The following GBP4 variants were observed in gnomAD, a reference collection of about 807,000 sequenced individuals.
GBP4 encodes the protein guanylate binding protein 4.
GBP4 carries 69 observed loss-of-function variants against 62.2 expected under a neutral mutation model. The observed-to-expected ratio is 1.11, with a 90% confidence interval of 0.91 to 1.36. The LOEUF is 1.36. Among genes scored for constraint, GBP4 ranks in the 40% most tolerant of loss-of-function variants. GBP4 has a pLI of 0.00. For missense variants in GBP4, 697 were observed against 759.3 expected, an observed-to-expected ratio of 0.92 and a Z score of 0.96; for synonymous variants, 278 against 274.6, an observed-to-expected ratio of 1.01 and a Z score of -0.12.
intron 2 of GBP4, among the ~76,000 whole-genome samples, chr1:89,196,528 G>C (rs540231542): frequency 2.2e-4 from 33 of 152,266 alleles, no homozygotes; most frequent in Middle Eastern, 6.8e-3. Context: ...TCTTGATCTG[G>C]ATAGTGATTT....
chr1:89,194,915 A>G (rs1648289087), intron 3 of GBP4, among the ~76,000 whole-genome samples: 1 of 152,196 alleles, frequency 6.6e-6, no homozygotes, highest in Non-Finnish European at 1.5e-5. Flanking sequence ...TCTAAGTCGA[A>G]TGACTGAACT....
intron 1 of GBP4, 58 bp downstream of exon 1, chr1:89,198,734 TTTG>T (rs1481451417): frequency 1.3e-5 from 19 of 1,421,432 alleles, no homozygotes; most frequent in African/African-American, 1.1e-4. Context: ...CGCTTGGGAA[TTTG>T]TTGTTGTTTG....
chr1:89,198,188 G>T (rs1196434139), intron 1 of GBP4, among the ~76,000 whole-genome samples: 1 of 152,122 alleles, frequency 6.6e-6, no homozygotes, highest in East Asian at 1.9e-4. Context: ...ACAAACGCGG[G>T]GGGCTCTGGG....
At chr1:89,187,274 A>C (rs143862427) in intron 8 of GBP4, among the ~76,000 whole-genome samples, 172 bp from the exon 9 acceptor site, 1 of 152,250 alleles carries the variant, frequency 6.6e-6, no homozygotes, top group East Asian at 1.9e-4. Context: ...CTCTTTGTTA[A>C]GTCATAAAAA....
At position 89,191,406 on chromosome 1, in the gene GBP4, G is replaced by A. The variant is rs974530190; in HGVS notation, c.771C>T (p.Asp257=). Residue 257 remains aspartate, a synonymous_variant, in exon 6 of 11, where the codon GAC becomes GAT. Transcript: ENST00000355754. The part of the protein sequence containing the change: ...KCFVFDRPTN[D]KQYLNHMDEV... ...CGTCCATATGATTTAAATATTGCTT[G>A]TCATTTGTAGGCCGGTCAAAGACAA... The A allele has an allele frequency of 1.2e-6, 2 of 1,614,196 alleles. No homozygotes were observed. Among genetic ancestry groups the A allele is most frequent in the African/African-American group, 1.3e-5 (1 of 75,058 alleles).
intron 1 of GBP4, among the ~76,000 whole-genome samples, chr1:89,198,123 C>A (rs975586392): frequency 6.6e-6 from 1 of 152,076 alleles, no homozygotes; most frequent in Non-Finnish European, 1.5e-5. Flanking sequence ...GGTGCAGGGG[C>A]TTTAATTCTA....
At chr1:89,197,463 ATAAAATTTC>A (rs143772423) in intron 1 of GBP4, among the ~76,000 whole-genome samples, 159 bp from the exon 2 acceptor site, 5,354 of 152,304 alleles carry the variant, frequency 0.035, 299 homozygotes, top group African/African-American at 0.12. Context: ...TTAATGGTAT[ATAAAATTTC>A]TATGTATATA....
intron 5 of GBP4, 67 bp downstream of exon 5, chr1:89,192,837 G>C: frequency 2.8e-6 from 4 of 1,452,242 alleles, no homozygotes; most frequent in Non-Finnish European, 3.8e-6. Context: ...GTCAGGTGCT[G>C]AATAGCAGGT....
In GBP4 at chr1:89,181,218, A is replaced by G. The variant is rs187463567; in HGVS notation, c.*4036T>C. The stretch of plus-strand genomic sequence containing the variant: ...GTCCGAAAAGACAGTCAGTGAAGGG[A>G]GATAGGGTTGGGACCATTTTACAGG... On this transcript the variant is annotated 3_prime_UTR_variant, in exon 11 of 11. Transcript: ENST00000355754. 1.2e-4 allele frequency: 18 copies of G among 152,230 alleles called. No individual in the cohort carries two copies. Among genetic ancestry groups the G allele is most frequent in the African/African-American group, 4.3e-4 (18 of 41,534 alleles). The allele number at this position is 152,230 out of a possible 1,614,324, so 9.4% of individuals were successfully genotyped here. A position where few individuals can be genotyped will look rare whatever the true frequency, so the allele number is the denominator to read the frequency against.
chr1:89,181,657 A>T lies in GBP4; in HGVS notation c.*3597T>A, dbSNP rs1417617824. The T allele has an allele frequency of 6.6e-6, 1 of 152,168 alleles. No homozygotes were observed. Among genetic ancestry groups the T allele is most frequent in the Non-Finnish European group, 1.5e-5 (1 of 68,040 alleles). 9.4% of individuals were successfully genotyped at this position (152,168 alleles called of 1,614,324 possible). A position where few individuals can be genotyped will look rare whatever the true frequency, so the allele number is the denominator to read the frequency against. On this transcript the variant is annotated 3_prime_UTR_variant, in exon 11 of 11. Transcript: ENST00000355754. Reference sequence around the variant, plus strand: ...TGTATGTACATTAAAATTTTGATATACAATTCCAACAGATCACTCTCACTA... The same window carrying T: ...TGTATGTACATTAAAATTTTGATATTCAATTCCAACAGATCACTCTCACTA...
rs1024681053 is a variant in GBP4 at position 89,182,612 on chromosome 1, G to T, written c.*2642C>A. On this transcript the variant is annotated 3_prime_UTR_variant, in exon 11 of 11. Transcript: ENST00000355754. The stretch of plus-strand genomic sequence containing the variant: ...TTCTCCTGCCTCAGCCTCCCGTGTA[G>T]CTGGGACTACAGGCGCGTGCCACCA... 3 of 151,716 alleles carry T rather than the reference G, an allele frequency of 2.0e-5. No individual in the cohort carries two copies. The highest frequency in any genetic ancestry group is 4.4e-5 in the Non-Finnish European group (3 of 67,978). The allele number at this position is 151,716 out of a possible 1,614,324, so 9.4% of individuals were successfully genotyped here. A position where few individuals can be genotyped will look rare whatever the true frequency, so the allele number is the denominator to read the frequency against.
chr1:89,189,085 A>C (rs1482196283), intron 7 of GBP4, among the ~76,000 whole-genome samples: 2 of 152,244 alleles, frequency 1.3e-5, no homozygotes, highest in East Asian at 3.8e-4. Flanking sequence ...AACCTCCAGT[A>C]ATGAGCAGTA....
chr1:89,185,642 G>A (rs1287732052), intron 10 of GBP4, among the ~76,000 whole-genome samples, 173 bp from the exon 11 acceptor site: 1 of 152,208 alleles, frequency 6.6e-6, no homozygotes, highest in Non-Finnish European at 1.5e-5. Context: ...AATCATGGGA[G>A]TATACATGGT....
At chr1:89,185,630 T>C (rs1186287684) in intron 10 of GBP4, among the ~76,000 whole-genome samples, 161 bp from the exon 11 acceptor site, 1 of 152,226 alleles carries the variant, frequency 6.6e-6, no homozygotes, top group Non-Finnish European at 1.5e-5. Context: ...TGATTGGACC[T>C]GAATCATGGG....
At chr1:89,193,272 A>G in intron 4 of GBP4, 31 bp downstream of exon 4, 1 of 1,602,646 alleles carries the variant, frequency 6.2e-7, no homozygotes, top group South Asian at 1.1e-5. Context: ...TAAACCCCAT[A>G]AAACCTGCTC....
chr1:89,193,158 A>G, intron 4 of GBP4, 58 bp from the exon 5 acceptor site: 1 of 1,577,974 alleles, frequency 6.3e-7, no homozygotes, highest in South Asian at 1.1e-5. Flanking sequence ...TATCTCACTT[A>G]GAAACAAGTT....
chr1:89,181,274 AAG>A lies in GBP4; in HGVS notation c.*3978_*3979del, dbSNP rs1647872443. 6.6e-6 allele frequency: 1 copy of A among 151,932 alleles called. No homozygotes were observed. The highest frequency in any genetic ancestry group is 1.5e-5 in the Non-Finnish European group (1 of 67,980). 9.4% of individuals were successfully genotyped at this position (151,932 alleles called of 1,614,324 possible). Reference sequence around the variant, plus strand: ...GGTTGGTAAAGGAAAATTACAGTCAAAGGGGGTTGTTCTCTGGCGGGCAGAGG... The same window carrying A: ...GGTTGGTAAAGGAAAATTACAGTCAAGGGGTTGTTCTCTGGCGGGCAGAGG... On this transcript the variant is annotated 3_prime_UTR_variant, in exon 11 of 11. Transcript: ENST00000355754.
chr1:89,195,452 A>C, intron 2 of GBP4, 28 bp from the exon 3 acceptor site: 1 of 1,612,664 alleles, frequency 6.2e-7, no homozygotes, highest in Non-Finnish European at 8.5e-7. Flanking sequence ...AATAACAAAC[A>C]GTAACAGTGG....
chr1:89,183,484 AGAC>A lies in GBP4; in HGVS notation c.*1767_*1769del, dbSNP rs1452837084. 6.6e-6 allele frequency: 1 copy of A among 152,216 alleles called. No homozygotes were observed. The highest frequency in any genetic ancestry group is 1.9e-4 in the East Asian group (1 of 5,206). 9.4% of individuals were successfully genotyped at this position (152,216 alleles called of 1,614,324 possible). ...CCTAAGAAATACCATTCTGGACATA[AGAC>A]TTGGCTAAAATTTCATGATGAAGAT... On this transcript the variant is annotated 3_prime_UTR_variant, in exon 11 of 11. Transcript: ENST00000355754.
Sources: allele counts gnomAD v4.1 joint callset (sites outside exome capture counted in the v4.1 genomes callset), GRCh38; gene constraint gnomAD v4.1.1; transcripts MANE v1.5; gene names NCBI Gene and HGNC (gene_info 2026-07-23, HGNC 2026-07-21).